The following PDE1C variants were observed in gnomAD, a reference collection of about 807,000 sequenced individuals.
PDE1C encodes the protein phosphodiesterase 1C.
PDE1C carries 62 observed loss-of-function variants against 93.1 expected under a neutral mutation model. That is an observed-to-expected ratio of 0.67 (90% CI 0.54 to 0.82). PDE1C has a LOEUF of 0.82. Among genes scored for constraint, PDE1C ranks in the 40% least tolerant of loss-of-function variants. The probability of loss-of-function intolerance (pLI) is 0.00; values close to 1 mark genes in which losing one functional copy is unlikely to be tolerated. For missense variants in PDE1C, 742 were observed against 884.6 expected (o/e 0.84, Z 2.04); for synonymous variants, 325 against 310.1 (o/e 1.05, Z -0.50).
At chr7:31,966,070 C>T (rs1393376882) in intron 2 of PDE1C, among the ~76,000 whole-genome samples, 6 of 152,124 alleles carry the variant, frequency 3.9e-5, no homozygotes, top group African/African-American at 1.2e-4. Context: ...AAATGACCAG[C>T]TAACATCATA....
At chr7:32,228,192 C>G (rs886066882) in intron 1 of PDE1C, among the ~76,000 whole-genome samples, 1 of 152,212 alleles carries the variant, frequency 6.6e-6, no homozygotes, top group Non-Finnish European at 1.5e-5. Flanking sequence ...CTTCAGAGAA[C>G]CAAACTTTGA....
chr7:31,846,585 T>G (rs1032588479), intron 9 of PDE1C, among the ~76,000 whole-genome samples: 6 of 152,086 alleles, frequency 3.9e-5, no homozygotes, highest in Admixed American at 3.9e-4. Context: ...ACTTCTTGAC[T>G]AAAACACCAA....
chr7:32,142,730 G>A (rs537466469), intron 3 of PDE1C, among the ~76,000 whole-genome samples: 1 of 152,156 alleles, frequency 6.6e-6, no homozygotes, highest in Non-Finnish European at 1.5e-5. Context: ...CACTATGGAA[G>A]CTGCCCAGAT....
Position 32,237,766 on chromosome 7 carries a change from T to TAC in PDE1C, c.86-28228_86-28227insGT, listed in dbSNP as rs1260906022. 1.8e-3 allele frequency among the ~76,000 whole-genome samples: 55 copies of TAC among 29,832 alleles called. 1 individual carries two copies. The highest frequency in any genetic ancestry group is 0.012 in the East Asian group (10 of 806). 19.6% of individuals were successfully genotyped at this position (29,832 alleles called of 152,430 possible). On this transcript the variant is annotated intron_variant, in intron 1 of 18. Coordinates refer to the PDE1C transcript ENST00000396193. ...TGTATATATATATATATATATACTT[T>TAC]TTTTTTTTTTTTTTTTTTTTTTAGA...
Position 31,925,739 on chromosome 7 carries a change from G to A in PDE1C, c.129-44879C>T, listed in dbSNP as rs149727106. Among the ~76,000 whole-genome samples the A allele has an allele frequency of 1.4e-3, 214 of 152,234 alleles. 1 individual carries two copies. The highest frequency in any genetic ancestry group is 5.0e-3 in the African/African-American group (206 of 41,538). ...TAAGTCATGAGCAGTATTTTCTAGAGTAGAAAGATTATTTACACTGAGAAT... is the reference window on the plus strand; with the variant it reads ...TAAGTCATGAGCAGTATTTTCTAGAATAGAAAGATTATTTACACTGAGAAT... On this transcript the variant is annotated intron_variant, in intron 2 of 17. Coordinates refer to ENST00000396191, the MANE Select transcript of PDE1C (RefSeq NM_001191057.4).
chr7:31,839,117 T>G (rs1164718489), intron 9 of PDE1C, among the ~76,000 whole-genome samples: 1 of 148,686 alleles, frequency 6.7e-6, no homozygotes, highest in Non-Finnish European at 1.5e-5. Flanking sequence ...GTATTATATA[T>G]TAAATATGTG....
At chr7:31,819,794 T>C (rs924324380) in intron 14 of PDE1C, among the ~76,000 whole-genome samples, 2 of 152,116 alleles carry the variant, frequency 1.3e-5, no homozygotes, top group Non-Finnish European at 2.9e-5. Context: ...GGGCTAATTA[T>C]CCCTTGATAT....
intron 2 of PDE1C, among the ~76,000 whole-genome samples, chr7:32,027,219 C>T (rs1789556001): frequency 6.6e-6 from 1 of 152,186 alleles, no homozygotes; most frequent in Non-Finnish European, 1.5e-5. Context: ...AAATGCTCCA[C>T]CCTGGTGGGC....
At chr7:32,114,953 G>A (rs1798901685) in intron 3 of PDE1C, among the ~76,000 whole-genome samples, 1 of 152,134 alleles carries the variant, frequency 6.6e-6, no homozygotes, top group South Asian at 2.1e-4. Context: ...TTATTAAAAA[G>A]TCAAGAAACA....
chr7:31,631,486 T>G, the PDE1C span, among the ~76,000 whole-genome samples: 1 of 152,242 alleles, frequency 6.6e-6, no homozygotes, highest in Non-Finnish European at 1.5e-5. Context: ...ATCTTTATTT[T>G]TTATTTATGA....
intron 16 of PDE1C, chr7:31,790,355 C>A: frequency 2.9e-6 from 3 of 1,037,524 alleles, no homozygotes; most frequent in African/African-American, 1.6e-5. Flanking sequence ...ATCTAGGGGA[C>A]CAAAAAAAAT....
At chr7:31,812,314 C>T (rs1787655349) in intron 15 of PDE1C, among the ~76,000 whole-genome samples, 1 of 152,070 alleles carries the variant, frequency 6.6e-6, no homozygotes, top group African/African-American at 2.4e-5. Context: ...TCCCCTTAAC[C>T]AACTTCAAAA....
intron 6 of PDE1C, among the ~76,000 whole-genome samples, chr7:31,869,984 G>A (rs778166379): frequency 9.2e-5 from 14 of 151,756 alleles, no homozygotes; most frequent in Non-Finnish European, 1.9e-4. Context: ...ACAAATACAC[G>A]GAAATTAAAC....
the PDE1C span, among the ~76,000 whole-genome samples, chr7:31,666,320 A>G: frequency 6.6e-6 from 1 of 152,198 alleles, no homozygotes; most frequent in Non-Finnish European, 1.5e-5. Flanking sequence ...AATTTTATCA[A>G]ACATTTGTCT....
chr7:31,625,828 T>TG, the PDE1C span, among the ~76,000 whole-genome samples: 1 of 151,942 alleles, frequency 6.6e-6, no homozygotes, highest in African/African-American at 2.4e-5. Context: ...TCTTTTTTTT[T>TG]AAATTTTTTC....
chr7:32,209,497 C>T (rs1161033445), exon 2 of PDE1C: 23 of 1,571,952 alleles, frequency 1.5e-5, no homozygotes, highest in East Asian at 4.6e-5. Flanking sequence ...ACGAGAGAAG[C>T]GGGCCAGTGG....
intron 1 of PDE1C, among the ~76,000 whole-genome samples, chr7:32,296,257 G>C (rs574115920): frequency 9.9e-5 from 15 of 152,188 alleles, no homozygotes; most frequent in African/African-American, 3.4e-4. Flanking sequence ...ACTAATTTCT[G>C]CTTTTTAAAA....
intron 2 of PDE1C, among the ~76,000 whole-genome samples, chr7:31,961,326 A>G (rs1380974686): frequency 6.6e-6 from 1 of 152,036 alleles, no homozygotes; most frequent in African/African-American, 2.4e-5. Flanking sequence ...ACATATATAC[A>G]TATACAAGAT....
chr7:32,189,620 T>C (rs1014468781), intron 2 of PDE1C, among the ~76,000 whole-genome samples: 1 of 152,208 alleles, frequency 6.6e-6, no homozygotes, highest in African/African-American at 2.4e-5. Context: ...GGATATAGTA[T>C]ATATGATGTG....
Sources: allele counts gnomAD v4.1 joint callset (sites outside exome capture counted in the v4.1 genomes callset), GRCh38; gene constraint gnomAD v4.1.1; transcripts MANE v1.5; gene names NCBI Gene and HGNC (gene_info 2026-07-23, HGNC 2026-07-21).